The following GPM6A variants were observed in gnomAD, a reference collection of about 807,000 sequenced individuals.
GPM6A encodes neuronal membrane glycoprotein M6-a.
Under a neutral mutation model 32.1 loss-of-function variants are expected in GPM6A, and 7 were observed. The observed-to-expected ratio is 0.22, with a 90% confidence interval of 0.12 to 0.41. The LOEUF is 0.41. GPM6A is among the 10% of genes least tolerant of loss of function. The probability of loss-of-function intolerance (pLI) is 1.00; values close to 1 mark genes in which losing one functional copy is unlikely to be tolerated. For missense variants in GPM6A, 235 were observed against 347.2 expected, an observed-to-expected ratio of 0.68 and a Z score of 2.57; for synonymous variants, 130 against 123.4, an observed-to-expected ratio of 1.05 and a Z score of -0.35.
intron 1 of GPM6A, among the ~76,000 whole-genome samples, chr4:175,979,423 C>T (rs1024970001): frequency 2.6e-5 from 4 of 152,132 alleles, no homozygotes; most frequent in Admixed American, 2.6e-4. Flanking sequence ...ATCAATCATA[C>T]TAAAATTTTA....
At chr4:175,936,034 G>A (rs1004831708) in intron 1 of GPM6A, among the ~76,000 whole-genome samples, 10 of 151,180 alleles carry the variant, frequency 6.6e-5, no homozygotes, top group African/African-American at 1.9e-4. Flanking sequence ...GGCCGGGCAC[G>A]GTGGCTCACG....
chr4:175,708,939 CA>C (rs2111084329), intron 1 of GPM6A, among the ~76,000 whole-genome samples: 1 of 152,200 alleles, frequency 6.6e-6, no homozygotes, highest in South Asian at 2.1e-4. Flanking sequence ...GTAGAACAAC[CA>C]GTAAAACTAT....
At chr4:175,838,112 G>GACACACACACACAC (rs10548625) in intron 1 of GPM6A, among the ~76,000 whole-genome samples, 1,734 of 141,942 alleles carry the variant, frequency 0.012, 44 homozygotes, top group African/African-American at 0.043. Flanking sequence ...CACACACACA[G>GACACACACACACAC]ACACACACAC....
intron 3 of GPM6A, among the ~76,000 whole-genome samples, chr4:175,657,779 A>G (rs1316152653): frequency 6.6e-6 from 1 of 152,160 alleles, no homozygotes; most frequent in Non-Finnish European, 1.5e-5. Flanking sequence ...ACTAGATGTC[A>G]GATGTCGGTT....
At chr4:175,659,829 T>C (rs1742299134) in intron 3 of GPM6A, among the ~76,000 whole-genome samples, 1 of 152,198 alleles carries the variant, frequency 6.6e-6, no homozygotes, top group Non-Finnish European at 1.5e-5. Flanking sequence ...TCAACAAACA[T>C]CTGTTGAATG....
intron 1 of GPM6A, among the ~76,000 whole-genome samples, chr4:175,874,906 A>G (rs927465856): frequency 1.1e-4 from 16 of 152,156 alleles, no homozygotes; most frequent in African/African-American, 3.4e-4. Context: ...TGTTTTCTAC[A>G]CTGTACCCTT....
intron 1 of GPM6A, among the ~76,000 whole-genome samples, chr4:175,709,998 T>C (rs1029292326): frequency 2.0e-4 from 31 of 151,838 alleles, no homozygotes; most frequent in African/African-American, 6.5e-4. Flanking sequence ...GTAGAAAGAG[T>C]CACTTGCCTC....
chr4:175,846,294 T>G (rs1736085128), intron 1 of GPM6A, among the ~76,000 whole-genome samples: 1 of 152,162 alleles, frequency 6.6e-6, no homozygotes, highest in African/African-American at 2.4e-5. Flanking sequence ...ACTTACCAAA[T>G]TTTGTACACG....
At chr4:175,732,091 C>G (rs577699607) in intron 1 of GPM6A, among the ~76,000 whole-genome samples, 4 of 151,972 alleles carry the variant, frequency 2.6e-5, no homozygotes, top group Non-Finnish European at 5.9e-5. Context: ...CTCAGCCTCC[C>G]TAATAGCTGG....
chr4:175,746,902 G>A (rs958155149), intron 1 of GPM6A, among the ~76,000 whole-genome samples: 1 of 152,084 alleles, frequency 6.6e-6, no homozygotes, highest in African/African-American at 2.4e-5. Context: ...CTATAATTTG[G>A]AAAATTGTAA....
In GPM6A at chr4:175,824,405, A is replaced by C. The variant is rs1735370933; in HGVS notation, c.-22-12156T>G. Among the ~76,000 whole-genome samples, 3 of 152,216 alleles carry C rather than the reference A, an allele frequency of 2.0e-5. No homozygotes were observed. In the South Asian group the frequency reaches 6.2e-4, roughly 32 times the overall value. On this transcript the variant is annotated intron_variant, in intron 1 of 7. Transcript: ENST00000280187. ...AAGCAACCCGCTGCCATTGTCCTGG[A>C]CAAAATGCAAAGCTGTTTTCGGCAT...
At chr4:175,717,845 T>C (rs1745919533) in intron 1 of GPM6A, among the ~76,000 whole-genome samples, 1 of 152,214 alleles carries the variant, frequency 6.6e-6, no homozygotes, top group Non-Finnish European at 1.5e-5. Context: ...GCTGTTATAA[T>C]TGCCAAGAGT....
intron 2 of GPM6A, among the ~76,000 whole-genome samples, chr4:175,679,532 C>A (rs1743566318): frequency 6.6e-6 from 1 of 152,152 alleles, no homozygotes; most frequent in Admixed American, 6.6e-5. Context: ...CAAAACTTCT[C>A]CCCAATGTTA....
At chr4:175,881,491 T>C (rs1737273605) in intron 1 of GPM6A, among the ~76,000 whole-genome samples, 1 of 152,226 alleles carries the variant, frequency 6.6e-6, no homozygotes, top group Non-Finnish European at 1.5e-5. Context: ...ATCCCATTAC[T>C]GGGTATATAC....
At position 175,700,401 on chromosome 4, in the gene GPM6A, A is replaced by C. The variant is rs145200952; in HGVS notation, c.230+1174T>G. On this transcript the variant is annotated intron_variant, in intron 2 of 6. Transcript: ENST00000393658. ...GGAGAAAAGTTGTCTTCTACCTAAA[A>C]AGTTGTCTGGGTTGACCAAGTGTTT... 2.6e-3 allele frequency among the ~76,000 whole-genome samples: 401 copies of C among 152,270 alleles called. 3 individuals are homozygous for C. Among genetic ancestry groups the C allele is most frequent in the African/African-American group, 8.7e-3 (362 of 41,554 alleles).
chr4:175,689,000 G>C (rs1744144276), intron 2 of GPM6A, among the ~76,000 whole-genome samples: 1 of 152,082 alleles, frequency 6.6e-6, no homozygotes, highest in Non-Finnish European at 1.5e-5. Context: ...CTACAGGCAG[G>C]CACCACCATG....
intron 1 of GPM6A, among the ~76,000 whole-genome samples, chr4:176,000,060 G>A (rs574954285): frequency 6.6e-6 from 1 of 152,082 alleles, no homozygotes; most frequent in African/African-American, 2.4e-5. Context: ...TTGAATCTCT[G>A]TCCTGAGTTC....
intron 2 of GPM6A, among the ~76,000 whole-genome samples, chr4:175,674,588 G>A (rs1743257475): frequency 6.6e-6 from 1 of 152,138 alleles, no homozygotes; most frequent in South Asian, 2.1e-4. Flanking sequence ...TAAAAGGGAA[G>A]GAAGCTTTAT....
At chr4:175,978,139 T>A (rs992310055) in intron 1 of GPM6A, among the ~76,000 whole-genome samples, 1 of 152,220 alleles carries the variant, frequency 6.6e-6, no homozygotes, top group African/African-American at 2.4e-5. Flanking sequence ...GACTGGGTAA[T>A]TTATAAAAGA....
Sources: gnomAD v4.1 joint callset for allele counts (sites outside exome capture counted in the v4.1 genomes callset) on GRCh38, gnomAD v4.1.1 for gene constraint, MANE v1.5 for transcripts, NCBI Gene and HGNC (gene_info 2026-07-23, HGNC 2026-07-21) for gene names.